The following GUCY1A2 variants were observed in gnomAD, a reference collection of about 807,000 sequenced individuals.
GUCY1A2 encodes guanylate cyclase 1 soluble subunit alpha 2.
In GUCY1A2, 27 loss-of-function variants were observed where a neutral mutation model predicts 63.5. The observed-to-expected ratio is 0.43, with a 90% confidence interval of 0.31 to 0.59. The LOEUF (loss-of-function observed/expected upper bound fraction) is 0.59, where lower values mean the gene tolerates loss of function less well. GUCY1A2 is among the 20% of genes least tolerant of loss of function. GUCY1A2 has a pLI of 0.11. For missense variants in GUCY1A2, 768 were observed against 913.3 expected (o/e 0.84, Z 2.05); for synonymous variants, 364 against 343.5 (o/e 1.06, Z -0.66).
intron 4 of GUCY1A2, among the ~76,000 whole-genome samples, chr11:106,920,255 G>C (rs1464246716): frequency 6.6e-6 from 1 of 152,038 alleles, no homozygotes; most frequent in Non-Finnish European, 1.5e-5. Context: ...AGTGAAGAAA[G>C]TGGATGCAGG....
intron 3 of GUCY1A2, among the ~76,000 whole-genome samples, chr11:106,957,855 CTTTTT>C (rs59519013): frequency 6.9e-5 from 6 of 87,244 alleles, no homozygotes; most frequent in African/African-American, 1.9e-4. Flanking sequence ...AAGGGACAAA[CTTTTT>C]TTTTTTTTTT....
In GUCY1A2 at chr11:106,683,281, G is replaced by A. The variant is rs571996031; in HGVS notation, c.*4268C>T. 2.7e-5 allele frequency: 6 copies of A among 219,290 alleles called. No homozygotes were observed. In the South Asian group the frequency reaches 7.4e-4, roughly 27 times the overall value. The allele number at this position is 219,290 out of a possible 1,614,324, so 13.6% of individuals were successfully genotyped here. A position where few individuals can be genotyped will look rare whatever the true frequency, so the allele number is the denominator to read the frequency against. On this transcript the variant is annotated 3_prime_UTR_variant, in exon 8 of 8. Coordinates refer to ENST00000526355, the MANE Select transcript of GUCY1A2 (RefSeq NM_000855.3). ...CTAATAGTAGAAAAAACTAAGCTACGATATAGGGCTTGGTTCTTGAACTTG... is the reference window on the plus strand; with the variant it reads ...CTAATAGTAGAAAAAACTAAGCTACAATATAGGGCTTGGTTCTTGAACTTG...
chr11:106,739,016 A>T (rs761264456), intron 6 of GUCY1A2, among the ~76,000 whole-genome samples: 5 of 152,114 alleles, frequency 3.3e-5, no homozygotes, highest in Admixed American at 1.3e-4. Flanking sequence ...GATTCTTCCT[A>T]TCCACGAGCA....
chr11:106,876,193 C>T (rs1026353723), intron 4 of GUCY1A2, among the ~76,000 whole-genome samples: 14 of 151,958 alleles, frequency 9.2e-5, no homozygotes, highest in African/African-American at 3.4e-4. Context: ...CATAAAGTTA[C>T]TTTCACAAGA....
In GUCY1A2 at chr11:106,674,508, A is replaced by C. The variant is rs1215542430; in HGVS notation, c.*13041T>G. On this transcript the variant is annotated 3_prime_UTR_variant, in exon 8 of 8. Transcript: ENST00000526355. The stretch of plus-strand genomic sequence containing the variant: ...AAAATATAATATGAAATACCAAATG[A>C]AACTTTTTTAAAATTAATGGTACAG... 3.4e-5 allele frequency: 6 copies of C among 178,782 alleles called. No individual in the cohort carries two copies. Among genetic ancestry groups the C allele is most frequent in the Non-Finnish European group, 7.2e-5 (6 of 83,502 alleles). 11.1% of individuals were successfully genotyped at this position (178,782 alleles called of 1,614,324 possible). A position where few individuals can be genotyped will look rare whatever the true frequency, so the allele number is the denominator to read the frequency against.
At position 106,939,552 on chromosome 11, in the gene GUCY1A2, T is replaced by C. The variant is rs1160745728; in HGVS notation, c.1114A>G (p.Asn372Asp). The C allele has an allele frequency of 1.2e-6, 2 of 1,613,194 alleles. No homozygotes were observed. Among genetic ancestry groups the C allele is most frequent in the African/African-American group, 1.3e-5 (1 of 75,036 alleles). ...AGCAGGACCCTTTCAAAGGTGGCAT[T>C]AACCTTTGGAGATACAATCTCGAAG... ...DCFEIVSPKV[N>D]ATFERVLLRL... Residue 372 changes from asparagine to aspartate, a missense_variant, in exon 4 of 8, where the codon AAT (asparagine) becomes GAT (aspartate). Transcript: ENST00000526355.
At chr11:106,714,167 T>G (rs1339234384) in intron 6 of GUCY1A2, among the ~76,000 whole-genome samples, 1 of 152,036 alleles carries the variant, frequency 6.6e-6, no homozygotes, top group Non-Finnish European at 1.5e-5. Context: ...CGAAAAATGC[T>G]GAAGACAAAA....
chr11:106,782,352 A>G (rs1864479834), intron 5 of GUCY1A2, among the ~76,000 whole-genome samples: 1 of 152,230 alleles, frequency 6.6e-6, no homozygotes, highest in African/African-American at 2.4e-5. Flanking sequence ...AATAAGATGT[A>G]GGCAGACAGA....
chr11:106,818,768 G>A (rs1858863239), intron 4 of GUCY1A2, among the ~76,000 whole-genome samples: 1 of 152,110 alleles, frequency 6.6e-6, no homozygotes, highest in Non-Finnish European at 1.5e-5. Context: ...ACACACAAAT[G>A]ATAAGAAACT....
intron 6 of GUCY1A2, among the ~76,000 whole-genome samples, chr11:106,769,596 A>C (rs1864220561): frequency 6.6e-6 from 1 of 152,196 alleles, no homozygotes; most frequent in African/African-American, 2.4e-5. Context: ...TTTACTATTC[A>C]AAATGATAAA....
At chr11:106,804,690 C>G (rs1164412775) in intron 5 of GUCY1A2, among the ~76,000 whole-genome samples, 1 of 152,154 alleles carries the variant, frequency 6.6e-6, no homozygotes, top group Admixed American at 6.6e-5. Flanking sequence ...AGCCCTAAAA[C>G]TCTATGTCAG....
rs138684484 is a variant in GUCY1A2 at position 106,756,018 on chromosome 11, A to T, written c.1836+20421T>A. 6.5e-3 allele frequency among the ~76,000 whole-genome samples: 996 copies of T among 152,264 alleles called. 12 individuals carry two copies. Among genetic ancestry groups the T allele is most frequent in the African/African-American group, 0.022 (904 of 41,540 alleles). On this transcript the variant is annotated intron_variant, in intron 6 of 7. Transcript: ENST00000526355. ...TAGGTTTCTAAGGACTTGCTTTATG[A>T]ATCTGGGTGCTCCTGTATTGGGTGC...
chr11:106,919,707 C>G (rs542308883), intron 4 of GUCY1A2, among the ~76,000 whole-genome samples: 1 of 152,158 alleles, frequency 6.6e-6, no homozygotes, highest in East Asian at 1.9e-4. Flanking sequence ...GAATCAAGAA[C>G]AGTATATGCA....
intron 4 of GUCY1A2, among the ~76,000 whole-genome samples, chr11:106,871,714 C>A (rs2135464757): frequency 6.6e-6 from 1 of 152,180 alleles, no homozygotes; most frequent in African/African-American, 2.4e-5. Context: ...TGGGACTCAA[C>A]AAATGTGCAT....
chr11:106,948,711 G>A (rs1233396367), intron 3 of GUCY1A2, among the ~76,000 whole-genome samples: 2 of 152,036 alleles, frequency 1.3e-5, no homozygotes, highest in Non-Finnish European at 2.9e-5. Context: ...TTGCAAAAAA[G>A]CATAAAATTA....
intron 4 of GUCY1A2, among the ~76,000 whole-genome samples, chr11:106,847,470 TTAC>T (rs1215168146): frequency 6.6e-6 from 1 of 151,400 alleles, no homozygotes; most frequent in Non-Finnish European, 1.5e-5. Context: ...ATTATTATTA[TTAC>T]TGTTTAAAAC....
At chr11:106,724,424 T>G (rs576249903) in intron 6 of GUCY1A2, among the ~76,000 whole-genome samples, 10 of 152,292 alleles carry the variant, frequency 6.6e-5, no homozygotes, top group Admixed American at 2.6e-4. Flanking sequence ...AATCCCTGAA[T>G]CTGATCACCC....
chr11:106,826,797 C>G lies in GUCY1A2; in HGVS notation c.1207-16319G>C, dbSNP rs937978670. Reference sequence around the variant, plus strand: ...GCCTCATCTGCTGCCAGACTGGGCTCAGCTGCCAGGATGTAGTACAGATGT... The same window carrying G: ...GCCTCATCTGCTGCCAGACTGGGCTGAGCTGCCAGGATGTAGTACAGATGT... On this transcript the variant is annotated intron_variant, in intron 4 of 7. Transcript: ENST00000526355. 3.1e-6 allele frequency: 5 copies of G among 1,609,882 alleles called. No homozygotes were observed. In the African/African-American group the frequency reaches 6.7e-5, roughly 22 times the overall value.
intron 5 of GUCY1A2, among the ~76,000 whole-genome samples, chr11:106,788,854 C>CT (rs1387581061): frequency 6.6e-6 from 1 of 151,990 alleles, no homozygotes; most frequent in Non-Finnish European, 1.5e-5. Context: ...GAGTTTTGTT[C>CT]TTTTTGCTCT....
Sources: gnomAD v4.1 joint callset for allele counts (sites outside exome capture counted in the v4.1 genomes callset) on GRCh38, gnomAD v4.1.1 for gene constraint, MANE v1.5 for transcripts, NCBI Gene and HGNC (gene_info 2026-07-23, HGNC 2026-07-21) for gene names.